The following VWA2 variants were observed in gnomAD, a reference collection of about 807,000 sequenced individuals.
VWA2 encodes von Willebrand factor A domain-containing protein 2.
In VWA2, 73 loss-of-function variants were observed where a neutral mutation model predicts 70.4. The ratio of observed to expected loss-of-function variants is 1.04; its 90% CI spans 0.86 to 1.26. The LOEUF (loss-of-function observed/expected upper bound fraction) is 1.26. VWA2 is among the 50% of genes most tolerant of loss of function. The probability of loss-of-function intolerance (pLI) is 0.00; values close to 1 mark genes in which losing one functional copy is unlikely to be tolerated. For missense variants in VWA2, 1,011 were observed against 998.5 expected (o/e 1.01, Z -0.17); for synonymous variants, 407 against 423.3 (o/e 0.96, Z 0.47).
At chr10:114,284,784 C>G (rs1466525340) in intron 9 of VWA2, 79 bp from the exon 10 acceptor site, 1 of 1,376,668 alleles carries the variant, frequency 7.3e-7, no homozygotes, top group Non-Finnish European at 9.8e-7. Context: ...AGGAAGCCAG[C>G]TGCACCCACA....
In VWA2 at chr10:114,287,005, G is replaced by A. The variant is rs2038982229; in HGVS notation, c.1570+494G>A. Among the ~76,000 whole-genome samples the A allele has an allele frequency of 2.0e-5, 3 of 152,122 alleles. No homozygotes were observed. The South Asian group carries it at 6.2e-4, about 31-fold the overall frequency. ...GCAGCCACACACAACTGAAACAAAC[G>A]CTTCCTGAGAGGATACTTACCCTGT... On this transcript the variant is annotated intron_variant, in intron 11 of 13. Transcript: ENST00000392982.
Position 114,246,707 on chromosome 10 carries a change from A to G in VWA2, c.-10-1997A>G, listed in dbSNP as rs1048378580. On this transcript the variant is annotated intron_variant, in intron 1 of 13. Coordinates refer to ENST00000392982, the MANE Select transcript of VWA2 (RefSeq NM_001272046.2). The stretch of plus-strand genomic sequence containing the variant: ...TCCCAAAACAAAGAATCAACTAGCA[A>G]ACAGTCTTAGGAATCGTGCAGGGGG... The G allele has an allele frequency of 6.5e-6, 10 of 1,548,306 alleles. No homozygotes were observed. In the African/African-American group the frequency reaches 1.2e-4, roughly 19 times the overall value.
At chr10:114,259,243 G>T (rs1332339928) in intron 4 of VWA2, among the ~76,000 whole-genome samples, 1 of 152,042 alleles carries the variant, frequency 6.6e-6, no homozygotes, top group African/African-American at 2.4e-5. Flanking sequence ...TTTCATTATG[G>T]TGAGGCCAGG....
intron 4 of VWA2, among the ~76,000 whole-genome samples, chr10:114,259,040 A>T (rs1461033119): frequency 6.6e-6 from 1 of 152,216 alleles, no homozygotes; most frequent in Non-Finnish European, 1.5e-5. Flanking sequence ...CACACATACG[A>T]GTAGGATACA....
intron 6 of VWA2, among the ~76,000 whole-genome samples, chr10:114,277,139 T>C (rs2037862800): frequency 6.6e-6 from 1 of 150,886 alleles, no homozygotes; most frequent in Non-Finnish European, 1.5e-5. Context: ...AAGGACAGGA[T>C]TCTTCTAGAT....
intron 5 of VWA2, among the ~76,000 whole-genome samples, chr10:114,272,189 C>G (rs2037724927): frequency 6.6e-6 from 1 of 152,206 alleles, no homozygotes; most frequent in South Asian, 2.1e-4. Context: ...CTGTAACCTG[C>G]CCTGATCTGG....
At chr10:114,273,361 T>G (rs2037753800) in intron 6 of VWA2, among the ~76,000 whole-genome samples, 1 of 152,190 alleles carries the variant, frequency 6.6e-6, no homozygotes, top group Admixed American at 6.5e-5. Context: ...ACTGGAGCTG[T>G]GGACGGTGCC....
At chr10:114,248,108 A>G (rs1367222343) in intron 1 of VWA2, among the ~76,000 whole-genome samples, 1 of 93,996 alleles carries the variant, frequency 1.1e-5, no homozygotes, top group Admixed American at 1.0e-4. Flanking sequence ...ACTCCATCTC[A>G]AAAAAAAAAA....
Position 114,255,052 on chromosome 10 carries a change from A to T in VWA2, c.261+4A>T, listed in dbSNP as rs1564716306. The T allele has an allele frequency of 6.2e-7, 1 of 1,611,084 alleles. No individual in the cohort carries two copies. Reference sequence around the variant, plus strand: ...TCTGGACATCAGCCCCGAGAGGGTGAGTGCAAGTCTTGTGGGTGTTTGTGT... The same window carrying T: ...TCTGGACATCAGCCCCGAGAGGGTGTGTGCAAGTCTTGTGGGTGTTTGTGT... On this transcript the variant is annotated splice_donor_region_variant and intron_variant, in intron 4 of 13. Coordinates refer to ENST00000392982, the MANE Select transcript of VWA2 (RefSeq NM_001272046.2).
intron 1 of VWA2, among the ~76,000 whole-genome samples, chr10:114,244,156 C>G (rs542620842): frequency 6.6e-6 from 1 of 152,166 alleles, no homozygotes; most frequent in East Asian, 1.9e-4. Flanking sequence ...CATCTTGTGC[C>G]GGATGGAGTG....
chr10:114,284,868 T>G lies in VWA2; in HGVS notation c.895T>G (p.Cys299Gly), dbSNP rs201375071. Residue 299 changes from cysteine (C) to glycine (G), a missense_variant, in exon 10 of 14, where the codon TGT becomes GGT. Transcript: ENST00000392982. ...TCYRTTCPGP[C>G]DSQPCQNGGT... ...AATGGGCATCTCTCTGATAGGCCCC[T>G]GTGACTCGCAGCCCTGCCAGAATGG... is the stretch of plus-strand genomic sequence containing the variant. 1.2e-6 allele frequency: 2 copies of G among 1,607,794 alleles called. No individual in the cohort carries two copies. Among genetic ancestry groups the G allele is most frequent in the Non-Finnish European group, 8.5e-7 (1 of 1,177,696 alleles).
At chr10:114,273,583 C>A (rs1475417684) in intron 6 of VWA2, among the ~76,000 whole-genome samples, 1 of 152,158 alleles carries the variant, frequency 6.6e-6, no homozygotes, top group Non-Finnish European at 1.5e-5. Flanking sequence ...ATCCTTAATG[C>A]TCTCAAACCA....
chr10:114,239,977 A>G (rs1209890365), intron 1 of VWA2, among the ~76,000 whole-genome samples: 1 of 152,160 alleles, frequency 6.6e-6, no homozygotes, highest in Non-Finnish European at 1.5e-5. Flanking sequence ...CGGCCGCGGA[A>G]AGGGACTCGC....
Position 114,293,574 on chromosome 10 carries a change from C to T in VWA2, c.*2337C>T, listed in dbSNP as rs888704298. 2.0e-5 allele frequency among the ~76,000 whole-genome samples: 3 copies of T among 152,166 alleles called. No individual in the cohort carries two copies. Among genetic ancestry groups the T allele is most frequent in the African/African-American group, 7.2e-5 (3 of 41,432 alleles). On this transcript the variant is annotated 3_prime_UTR_variant, in exon 14 of 14. Coordinates refer to ENST00000392982, the MANE Select transcript of VWA2 (RefSeq NM_001272046.2). ...AAGTGCTATCCTATGGCCTAACTAG[C>T]CAAGCCTTTTTTCTTTCATTTAAAA...
intron 5 of VWA2, among the ~76,000 whole-genome samples, chr10:114,267,137 G>A (rs972402382): frequency 2.6e-5 from 4 of 152,012 alleles, no homozygotes; most frequent in Admixed American, 1.3e-4. Context: ...ATTTTGAGAC[G>A]GAGTTTCACT....
chr10:114,261,437 C>A (rs1267662293), intron 5 of VWA2, 142 bp downstream of exon 5: 2 of 556,150 alleles, frequency 3.6e-6, no homozygotes, highest in Non-Finnish European at 6.5e-6. Context: ...CAGTTGGTCA[C>A]ATGAATTCCA....
intron 5 of VWA2, among the ~76,000 whole-genome samples, chr10:114,265,196 G>A (rs539550056): frequency 1.3e-5 from 2 of 152,246 alleles, no homozygotes; most frequent in East Asian, 3.9e-4. Flanking sequence ...ACAGCTTTGT[G>A]AATATACTAA....
chr10:114,274,457 C>G (rs1018349605), intron 6 of VWA2, among the ~76,000 whole-genome samples: 2 of 152,202 alleles, frequency 1.3e-5, no homozygotes, highest in East Asian at 3.9e-4. Context: ...CAGCTGCAGC[C>G]TCGACTTAGG....
At position 114,265,392 on chromosome 10, in the gene VWA2, C is replaced by T. The variant is rs1014372789; in HGVS notation, c.371+4097C>T. On this transcript the variant is annotated intron_variant, in intron 5 of 13. Transcript: ENST00000392982. ...TGACTTTGACTCAAAGAATTCACCT[C>T]TGCTCTTGTCTGAAAAACTAATCAA... 1.1e-4 allele frequency among the ~76,000 whole-genome samples: 16 copies of T among 152,350 alleles called. No individual in the cohort carries two copies. In the East Asian group the frequency reaches 2.5e-3, roughly 24 times the overall value.
Sources: gnomAD v4.1 joint callset for allele counts (sites outside exome capture counted in the v4.1 genomes callset) on GRCh38, gnomAD v4.1.1 for gene constraint, MANE v1.5 for transcripts, NCBI Gene and HGNC (gene_info 2026-07-23, HGNC 2026-07-21) for gene names.